Variants in SH3PXD2A observed in about 807,000 individuals in gnomAD.
SH3PXD2A encodes SH3 and PX domain-containing protein 2A.
Under a neutral mutation model 115.2 loss-of-function variants are expected in SH3PXD2A, and 32 were observed. The ratio of observed to expected loss-of-function variants is 0.28; its 90% CI spans 0.21 to 0.37. The LOEUF is 0.37. SH3PXD2A is among the 10% of genes least tolerant of loss of function. The pLI, the probability that SH3PXD2A is intolerant of heterozygous loss-of-function variation, is 1.00. For missense variants in SH3PXD2A, 1,328 were observed against 1,498.7 expected (o/e 0.89, Z 1.88); for synonymous variants, 610 against 629.1 (o/e 0.97, Z 0.45).
At chr10:103,689,713 C>T (rs1284053448) in intron 6 of SH3PXD2A, among the ~76,000 whole-genome samples, 1 of 152,066 alleles carries the variant, frequency 6.6e-6, no homozygotes, top group East Asian at 1.9e-4. Context: ...TGGGCTTGAG[C>T]AATGGGGTGG....
At chr10:103,642,276 T>C (rs2036967192) in intron 8 of SH3PXD2A, among the ~76,000 whole-genome samples, 1 of 151,904 alleles carries the variant, frequency 6.6e-6, no homozygotes, top group Admixed American at 6.6e-5. Flanking sequence ...AGCTATGTAG[T>C]ACATTTGAAC....
intron 2 of SH3PXD2A, among the ~76,000 whole-genome samples, chr10:103,773,442 T>TC (rs1301494151): frequency 1.4e-5 from 2 of 142,710 alleles, no homozygotes; most frequent in Non-Finnish European, 3.1e-5. Context: ...TTTCTTTCTT[T>TC]CTTTTTTTTT....
At chr10:103,659,777 C>T (rs1373882504) in intron 8 of SH3PXD2A, among the ~76,000 whole-genome samples, 6 of 152,134 alleles carry the variant, frequency 3.9e-5, no homozygotes, top group Non-Finnish European at 8.8e-5. Context: ...ACAAGTCAGA[C>T]CCTATACGCA....
intron 1 of SH3PXD2A, among the ~76,000 whole-genome samples, chr10:103,833,572 G>A (rs1156978854): frequency 6.6e-6 from 1 of 152,124 alleles, no homozygotes; most frequent in Admixed American, 6.5e-5. Context: ...ATTAACAGAG[G>A]AATCTTTTTT....
At chr10:103,835,654 G>A (rs995661791) in intron 1 of SH3PXD2A, among the ~76,000 whole-genome samples, 1 of 152,160 alleles carries the variant, frequency 6.6e-6, no homozygotes, top group Admixed American at 6.5e-5. Context: ...AGGACGTCCT[G>A]GTCTTTTGGC....
chr10:103,789,111 C>T (rs1452949181), intron 2 of SH3PXD2A, among the ~76,000 whole-genome samples: 4 of 152,046 alleles, frequency 2.6e-5, no homozygotes, highest in African/African-American at 9.7e-5. Flanking sequence ...ACCAGACTGC[C>T]CTACATGCCT....
Position 103,665,216 on chromosome 10 carries a change from G to A in SH3PXD2A, c.472+3392C>T, listed in dbSNP as rs1310993129. The stretch of plus-strand genomic sequence containing the variant: ...GAGATGGGGAAACTGAGGTAAGGAG[G>A]AGAAAGAAGCCCCAGCTTTGTGGCC... On this transcript the variant is annotated intron_variant, in intron 7 of 14. Transcript: ENST00000369774. The surrounding 1 kb of genome is among the most constrained non-coding windows in gnomAD (Gnocchi z 4.0). Among the ~76,000 whole-genome samples, 1 of 152,192 alleles carries A rather than the reference G, an allele frequency of 6.6e-6. No homozygotes were observed. Among genetic ancestry groups the A allele is most frequent in the Non-Finnish European group, 1.5e-5 (1 of 68,038 alleles).
chr10:103,802,249 C>T (rs2039154747), intron 1 of SH3PXD2A, among the ~76,000 whole-genome samples: 1 of 152,184 alleles, frequency 6.6e-6, no homozygotes. Context: ...TCTCAGCATC[C>T]CTGTCTTTGC....
intron 3 of SH3PXD2A, among the ~76,000 whole-genome samples, chr10:103,741,909 C>G (rs572032352): frequency 3.9e-5 from 6 of 152,280 alleles, no homozygotes; most frequent in African/African-American, 1.4e-4. Flanking sequence ...GTTTGGGAGG[C>G]CGAGGCTGGA....
intron 7 of SH3PXD2A, among the ~76,000 whole-genome samples, chr10:103,662,544 C>T (rs911466977): frequency 0.015 from 2,228 of 151,024 alleles, 54 homozygotes; most frequent in African/African-American, 0.052. Flanking sequence ...GGACTACAGG[C>T]GCCCGCCACC....
chr10:103,664,592 G>C (rs1472448145), intron 7 of SH3PXD2A, among the ~76,000 whole-genome samples: 1 of 152,048 alleles, frequency 6.6e-6, no homozygotes, highest in East Asian at 1.9e-4. Context: ...GGTCCCTAGG[G>C]AAGGGCCCAT....
In SH3PXD2A at chr10:103,606,027, C is replaced by T. The variant is rs1020827936; in HGVS notation, c.1309-110G>A. The T allele has an allele frequency of 4.4e-5, 48 of 1,082,830 alleles. No homozygotes were observed. The Admixed American group carries it at 1.0e-3, about 22-fold the overall frequency. The allele number at this position is 1,082,830 out of a possible 1,614,324, so 67.1% of individuals were successfully genotyped here. On this transcript the variant is annotated intron_variant, in intron 13 of 14. Coordinates refer to ENST00000369774, the MANE Select transcript of SH3PXD2A (RefSeq NM_001394015.1). Reference sequence around the variant, plus strand: ...AGGGGGTGCGGATGGCCGTTTACACCAGCTGGACAGCAGCTGGCCTGAGTA... The same window carrying T: ...AGGGGGTGCGGATGGCCGTTTACACTAGCTGGACAGCAGCTGGCCTGAGTA...
rs933357588 is a variant in SH3PXD2A at position 103,594,242 on chromosome 10, G to A, written c.*7574C>T. ...CCTTCCCCAAGGGCACTGCATTTTT[G>A]TGATGAGATTAAAAACAAACCAACT... On this transcript the variant is annotated 3_prime_UTR_variant, in exon 15 of 15. Coordinates refer to ENST00000369774, the MANE Select transcript of SH3PXD2A (RefSeq NM_001394015.1). The A allele has an allele frequency of 6.6e-6, 1 of 152,632 alleles. No individual in the cohort carries two copies. The highest frequency in any genetic ancestry group is 1.5e-5 in the Non-Finnish European group (1 of 68,034). The allele number at this position is 152,632 out of a possible 1,614,324, so 9.5% of individuals were successfully genotyped here. A position where few individuals can be genotyped will look rare whatever the true frequency, so the allele number is the denominator to read the frequency against.
chr10:103,846,338 C>G, intron 1 of SH3PXD2A, among the ~76,000 whole-genome samples: 1 of 152,160 alleles, frequency 6.6e-6, no homozygotes, highest in East Asian at 1.9e-4. Flanking sequence ...TCTGTCTTTT[C>G]CTGTTCACAA....
intron 1 of SH3PXD2A, among the ~76,000 whole-genome samples, chr10:103,833,242 A>G (rs2039499196): frequency 6.6e-6 from 1 of 152,214 alleles, no homozygotes; most frequent in Admixed American, 6.5e-5. Context: ...AAAATGCAAA[A>G]TAATACAATG....
At chr10:103,674,007 A>G (rs950964682) in intron 6 of SH3PXD2A, among the ~76,000 whole-genome samples, 20 of 152,204 alleles carry the variant, frequency 1.3e-4, no homozygotes, top group Non-Finnish European at 2.5e-4. Flanking sequence ...GGAGCACTCA[A>G]GCCCTCTCTC....
At position 103,703,794 on chromosome 10, in the gene SH3PXD2A, GACAGT is replaced by G. The variant is rs142959056; in HGVS notation, c.399-10743_399-10739del. On this transcript the variant is annotated intron_variant, in intron 5 of 14. Coordinates refer to ENST00000369774, the MANE Select transcript of SH3PXD2A (RefSeq NM_001394015.1). ...ACCGTGGCTACTGGCTACTTTATTG[GACAGT>G]ACAGTCCAGACTCTGACATGGTATG... 7.8e-3 allele frequency among the ~76,000 whole-genome samples: 1,183 copies of G among 152,234 alleles called. 18 individuals carry two copies. Among genetic ancestry groups the G allele is most frequent in the East Asian group, 0.031 (162 of 5,188 alleles).
chr10:103,721,505 C>G (rs2038181426), intron 5 of SH3PXD2A, among the ~76,000 whole-genome samples: 1 of 152,242 alleles, frequency 6.6e-6, no homozygotes, highest in African/African-American at 2.4e-5. Flanking sequence ...ATTCAGCTGA[C>G]TGGCAAAGAG....
intron 10 of SH3PXD2A, among the ~76,000 whole-genome samples, chr10:103,618,465 C>G: frequency 6.6e-6 from 1 of 152,180 alleles, no homozygotes; most frequent in East Asian, 1.9e-4. Flanking sequence ...TAGAGGGCTG[C>G]TCAGAGTGGA....
Sources: allele counts gnomAD v4.1 joint callset (sites outside exome capture counted in the v4.1 genomes callset), GRCh38; gene constraint gnomAD v4.1.1; non-coding constraint Gnocchi (gnomAD v3.1); transcripts MANE v1.5; gene names NCBI Gene and HGNC (gene_info 2026-07-23, HGNC 2026-07-21).